The following SIN3A variants were observed in gnomAD, a reference collection of about 807,000 sequenced individuals.
The protein encoded by SIN3A is paired amphipathic helix protein Sin3a.
A neutral mutation model predicts 146.1 loss-of-function variants in SIN3A; 14 were observed. The observed-to-expected ratio is 0.10, with a 90% CI of 0.06 to 0.15. The LOEUF is 0.15. SIN3A is among the 10% of genes least tolerant of loss of function. The probability of loss-of-function intolerance (pLI) is 1.00; values close to 1 mark genes in which losing one functional copy is unlikely to be tolerated. For missense variants in SIN3A, 1,028 were observed against 1,576.0 expected (o/e 0.65, Z 5.89); for synonymous variants, 572 against 572.0 (o/e 1.00, Z 0.00).
intron 1 of SIN3A, among the ~76,000 whole-genome samples, chr15:75,450,489 C>G (rs1320016170): frequency 6.6e-6 from 1 of 152,212 alleles, no homozygotes; most frequent in Admixed American, 6.5e-5. Flanking sequence ...CCTACCATCA[C>G]CACCGCGGAT....
In SIN3A at chr15:75,430,279, C is replaced by G. The variant is rs767054284; in HGVS notation, c.97G>C (p.Val33Leu). The G allele has an allele frequency of 1.4e-5, 22 of 1,614,040 alleles. No homozygotes were observed. The East Asian group carries it at 4.5e-4, about 33-fold the overall frequency. Residue 33 changes from valine to leucine, a missense_variant, in exon 2 of 21, where the codon GTG (valine) becomes CTG (leucine). Around this residue, in one of 9 missense-constraint regions of SIN3A, gnomAD observed 152 missense variants for 231.5 expected, o/e 0.66. Coordinates refer to ENST00000394947, the MANE Select transcript of SIN3A (RefSeq NM_001145358.2). The part of the protein sequence containing the change: ...STEAFPHQHR[V>L]LAPAPPVYEA... ...TACACAGGAGGGGCAGGGGCAAGCACCCGGTGCTGGTGAGGAAAAGCCTCT... is the reference window on the plus strand; with the variant it reads ...TACACAGGAGGGGCAGGGGCAAGCAGCCGGTGCTGGTGAGGAAAAGCCTCT...
chr15:75,425,502 G>A (rs185132915), intron 2 of SIN3A, among the ~76,000 whole-genome samples: 11 of 152,208 alleles, frequency 7.2e-5, no homozygotes, highest in East Asian at 3.9e-4. Flanking sequence ...GATTTGCTAC[G>A]AGCACTGTAT....
At chr15:75,402,016 G>A in intron 9 of SIN3A, 46 bp from the exon 10 acceptor site, 1 of 1,272,210 alleles carries the variant, frequency 7.9e-7, no homozygotes, top group Non-Finnish European at 1.1e-6. Context: ...TTTTCTTAAA[G>A]TGGGGAACTG....
chr15:75,412,654 T>C, intron 5 of SIN3A, 109 bp downstream of exon 5: 1 of 1,142,810 alleles, frequency 8.8e-7, no homozygotes, highest in South Asian at 1.9e-5. Flanking sequence ...TGACGAAATC[T>C]TTGTAACTTT....
chr15:75,453,087 C>G (rs2141655969), upstream of SIN3A: 1 of 152,308 alleles, frequency 6.6e-6, no homozygotes, highest in African/African-American at 2.4e-5. Flanking sequence ...TACCGCTCTC[C>G]CGAATAAGTA....
intron 3 of SIN3A, among the ~76,000 whole-genome samples, chr15:75,417,152 C>A (rs530262113): frequency 2.7e-5 from 4 of 150,868 alleles, no homozygotes; most frequent in African/African-American, 9.7e-5. Context: ...AGAAAAAAAA[C>A]TGACCTATCA....
At position 75,409,845 on chromosome 15, in the gene SIN3A, A is replaced by T. The variant is rs757449105; in HGVS notation, c.1308T>A (p.Pro436=). The T allele has an allele frequency of 6.2e-7, 1 of 1,612,326 alleles. No individual in the cohort carries two copies. Among genetic ancestry groups the T allele is most frequent in the South Asian group, 1.1e-5 (1 of 90,984 alleles). Reference sequence around the variant, plus strand: ...TGCTGCCCATTCTCACCTTAACTGGAGGGGTGGTTCCTGTAGGATGTCTGC... The same window carrying T: ...TGCTGCCCATTCTCACCTTAACTGGTGGGGTGGTTCCTGTAGGATGTCTGC... The part of the protein sequence containing the change: ...QIRRHPTGTT[P]PVKKKPKLLN... Residue 436 remains proline, a synonymous_variant, in exon 8 of 21, where the codon CCT becomes CCA. Coordinates refer to ENST00000394947, the MANE Select transcript of SIN3A (RefSeq NM_001145358.2).
intron 9 of SIN3A, among the ~76,000 whole-genome samples, chr15:75,403,299 G>A (rs143859722): frequency 1.3e-3 from 204 of 151,648 alleles, no homozygotes; most frequent in Non-Finnish European, 1.9e-3. Flanking sequence ...GCGTGGTGGT[G>A]GGCACCTGTA....
At chr15:75,445,759 G>GAAAAAAAAAA (rs774883850) in intron 1 of SIN3A, among the ~76,000 whole-genome samples, 3 of 86,408 alleles carry the variant, frequency 3.5e-5, no homozygotes, top group Non-Finnish European at 4.8e-5. Context: ...TCAAAAAAAA[G>GAAAAAAAAAA]AAAAAAAAAA....
rs756398614 is a variant in SIN3A, at chr15:75,409,859, T to C, written c.1294A>G (p.Thr432Ala). Residue 432 changes from threonine (T) to alanine (A), a missense_variant, in exon 8 of 21, where the codon ACA becomes GCA. Coordinates refer to ENST00000394947, the MANE Select transcript of SIN3A (RefSeq NM_001145358.2). ...ACCTTAACTGGAGGGGTGGTTCCTG[T>C]AGGATGTCTGCGGATCTGGCAGCCA... ...QNGCQIRRHP[T>A]GTTPPVKKKP... The C allele has an allele frequency of 1.9e-6, 3 of 1,612,798 alleles. No individual in the cohort carries two copies. The highest frequency in any genetic ancestry group is 2.5e-6 in the Non-Finnish European group (3 of 1,179,966).
In SIN3A at chr15:75,394,837, C is replaced by T. The variant is rs756699875; in HGVS notation, c.2120G>A (p.Arg707Gln). ...TTTGTTAAAGCCTCTCTGAGCTTCT[C>T]GCCATTCTTCCTCTTTCATCTTCAA... ...KRLKMKEEEW[R>Q]EAQRGFNKVW... Residue 707 changes from arginine to glutamine, a missense_variant, in exon 14 of 21, where the codon CGA becomes CAA. Physicochemically the swap from Arg to Gln is conservative, Grantham distance 43. Coordinates refer to ENST00000394947, the MANE Select transcript of SIN3A (RefSeq NM_001145358.2). 3 of 1,613,726 alleles carry T rather than the reference C, an allele frequency of 1.9e-6. No homozygotes were observed. Among genetic ancestry groups the T allele is most frequent in the African/African-American group, 1.3e-5 (1 of 75,016 alleles).
At chr15:75,444,782 G>C (rs928455703) in intron 1 of SIN3A, among the ~76,000 whole-genome samples, 5 of 152,120 alleles carry the variant, frequency 3.3e-5, no homozygotes, top group African/African-American at 1.2e-4. Context: ...ATTAATAATT[G>C]TTATCAATGT....
At chr15:75,403,315 A>T (rs1399314224) in intron 9 of SIN3A, among the ~76,000 whole-genome samples, 1 of 151,678 alleles carries the variant, frequency 6.6e-6, no homozygotes, top group African/African-American at 2.4e-5. Context: ...CTGTAGTCCC[A>T]GTGACTCAGG....
At chr15:75,376,711 T>A (rs1490319439) in intron 19 of SIN3A, among the ~76,000 whole-genome samples, 3 of 149,906 alleles carry the variant, frequency 2.0e-5, no homozygotes, top group South Asian at 2.1e-4. Flanking sequence ...AAAAAAAAAA[T>A]TAGGCAGGTG....
Position 75,410,300 on chromosome 15 carries a change from A to G in SIN3A, c.1009-14T>C. 6.2e-7 allele frequency: 1 copy of G among 1,609,238 alleles called. No homozygotes were observed. The highest frequency in any genetic ancestry group is 8.5e-7 in the Non-Finnish European group (1 of 1,178,590). On this transcript the variant is annotated splice_polypyrimidine_tract_variant and intron_variant, in intron 6 of 20. Transcript: ENST00000394947. ...TCTCTGCTCTTTCTGAGGAATTGCA[A>G]ATGAAAAGAGATCATTTGGGCTACT... is the stretch of plus-strand genomic sequence containing the variant.
chr15:75,424,784 T>C (rs2073897498), intron 2 of SIN3A, among the ~76,000 whole-genome samples: 1 of 152,182 alleles, frequency 6.6e-6, no homozygotes, highest in African/African-American at 2.4e-5. Context: ...GTAACTTTCA[T>C]TACTGGATTT....
Position 75,389,711 on chromosome 15 carries a change from T to C in SIN3A, c.2962A>G (p.Thr988Ala). ...QYEDSLREMF[T>A]IHAYIAFTMD... ...GTAAAGGCAATGTAGGCATGAATGG[T>C]GAACATCTCTCTCAGTGAATCTTCA... The change falls in exon 16 of 21, where the codon ACC (threonine) becomes GCC (alanine). Residue 988 changes from threonine (T) to alanine (A), a missense_variant. Physicochemically the swap from Thr to Ala is moderately conservative, Grantham distance 58 (BLOSUM62 0). Transcript: ENST00000394947. The C allele has an allele frequency of 6.2e-7, 1 of 1,614,060 alleles. No homozygotes were observed. The highest frequency in any genetic ancestry group is 8.5e-7 in the Non-Finnish European group (1 of 1,179,982).
At chr15:75,430,031 AAAAC>A (rs1442160750) in intron 2 of SIN3A, 152 bp downstream of exon 2, 12 of 624,324 alleles carry the variant, frequency 1.9e-5, no homozygotes, top group Non-Finnish European at 3.0e-5. Context: ...TCTTTTTTTA[AAAAC>A]TTGTATGGTG....
upstream of SIN3A, chr15:75,455,713 C>A (rs2074478647): frequency 6.6e-6 from 1 of 152,226 alleles, no homozygotes; most frequent in Non-Finnish European, 1.5e-5. Context: ...GCCGGCCAGA[C>A]CGAGCGGCCG....
Sources: allele counts gnomAD v4.1 joint callset (sites outside exome capture counted in the v4.1 genomes callset), GRCh38; gene constraint gnomAD v4.1.1; regional missense constraint gnomAD v4.1.1; transcripts MANE v1.5; gene names NCBI Gene and HGNC (gene_info 2026-07-23, HGNC 2026-07-21).